ADARB2: variants seen among roughly 807,000 people sequenced by gnomAD.
ADARB2 encodes the protein inactive double-stranded RNA-specific editase B2.
In ADARB2, 25 loss-of-function variants were observed where a neutral mutation model predicts 62.2. The observed-to-expected ratio is 0.40, with a 90% CI of 0.29 to 0.56. The LOEUF (loss-of-function observed/expected upper bound fraction) is 0.56, where lower values mean the gene tolerates loss of function less well. Among genes scored for constraint, ADARB2 ranks in the 20% least tolerant of loss-of-function variants. The pLI, the probability that ADARB2 is intolerant of heterozygous loss-of-function variation, is 0.43. For synonymous variants in ADARB2, 572 were observed against 500.8 expected, an observed-to-expected ratio of 1.14 and a Z score of -1.90; for missense variants, 1,071 against 1,077.4, an observed-to-expected ratio of 0.99 and a Z score of 0.08.
rs1001532818 is a variant in ADARB2 at position 1,661,549 on chromosome 10, G to A, written c.100+75502C>T. 5.3e-5 allele frequency among the ~76,000 whole-genome samples: 8 copies of A among 152,172 alleles called. No homozygotes were observed. In the East Asian group the frequency reaches 5.8e-4, roughly 11 times the overall value. On this transcript the variant is annotated intron_variant, in intron 1 of 9. Transcript: ENST00000381312. ...GCAGCTAGGGTTGGGGGAGGGCCCCGGCAAGCACCTAGAGTGCAGACAAGT... is the reference window on the plus strand; with the variant it reads ...GCAGCTAGGGTTGGGGGAGGGCCCCAGCAAGCACCTAGAGTGCAGACAAGT...
At chr10:1,229,441 C>G (rs1830777325) in intron 6 of ADARB2, among the ~76,000 whole-genome samples, 1 of 152,150 alleles carries the variant, frequency 6.6e-6, no homozygotes, top group Non-Finnish European at 1.5e-5. Context: ...TCCTAGAAAC[C>G]CCAAGTCAGA....
intron 4 of ADARB2, among the ~76,000 whole-genome samples, chr10:1,266,616 C>T (rs898637555): frequency 2.6e-5 from 4 of 152,080 alleles, no homozygotes; most frequent in East Asian, 1.9e-4. Flanking sequence ...AAGGACCAGC[C>T]GGCCACCACC....
chr10:1,498,121 C>T (rs893229344), intron 1 of ADARB2, among the ~76,000 whole-genome samples: 1 of 152,066 alleles, frequency 6.6e-6, no homozygotes, highest in African/African-American at 2.4e-5. Flanking sequence ...GCTTGTAATC[C>T]CGGCACTTTG....
intron 3 of ADARB2, among the ~76,000 whole-genome samples, chr10:1,289,729 A>G (rs973986007): frequency 6.6e-6 from 1 of 152,248 alleles, no homozygotes; most frequent in Non-Finnish European, 1.5e-5. Context: ...CTGCTGGGTG[A>G]CAAGACAGCC....
At chr10:1,552,352 A>G (rs973193045) in intron 1 of ADARB2, among the ~76,000 whole-genome samples, 3 of 152,082 alleles carry the variant, frequency 2.0e-5, no homozygotes, top group African/African-American at 4.8e-5. Context: ...CATTAGGGGC[A>G]TGAAATGCCT....
At chr10:1,401,571 A>G (rs1832662859) in intron 1 of ADARB2, among the ~76,000 whole-genome samples, 1 of 152,178 alleles carries the variant, frequency 6.6e-6, no homozygotes, top group South Asian at 2.1e-4. Flanking sequence ...CATGGATTCA[A>G]TGGGAGCTCG....
chr10:1,268,927 A>G (rs899083510), intron 4 of ADARB2, among the ~76,000 whole-genome samples: 1 of 152,232 alleles, frequency 6.6e-6, no homozygotes, highest in Non-Finnish European at 1.5e-5. Context: ...TTCCACATGA[A>G]GTTTGACAGT....
chr10:1,226,262 A>C (rs1160611607), intron 6 of ADARB2, among the ~76,000 whole-genome samples: 2 of 152,182 alleles, frequency 1.3e-5, no homozygotes, highest in East Asian at 3.8e-4. Context: ...CAGCTCCATC[A>C]GGTCCTTTAA....
chr10:1,462,088 C>T (rs879783913), intron 1 of ADARB2, among the ~76,000 whole-genome samples: 6 of 152,198 alleles, frequency 3.9e-5, no homozygotes, highest in African/African-American at 7.2e-5. Flanking sequence ...AAAATGCTCA[C>T]GGTGTGTGTT....
At chr10:1,669,261 C>T (rs570700609) in intron 1 of ADARB2, among the ~76,000 whole-genome samples, 4 of 152,252 alleles carry the variant, frequency 2.6e-5, no homozygotes, top group South Asian at 2.1e-4. Context: ...GATGATACCA[C>T]GCGTGTCTCC....
chr10:1,226,282 T>C (rs1830744553), intron 6 of ADARB2, among the ~76,000 whole-genome samples: 2 of 152,258 alleles, frequency 1.3e-5, no homozygotes, highest in Non-Finnish European at 2.9e-5. Flanking sequence ...AGGACTTCTC[T>C]GCATTGGTTA....
At chr10:1,405,252 CATTG>C (rs2131874686) in intron 1 of ADARB2, among the ~76,000 whole-genome samples, 2 of 152,312 alleles carry the variant, frequency 1.3e-5, no homozygotes, top group South Asian at 4.1e-4. Flanking sequence ...ATGAAGCATT[CATTG>C]ATTTAGACAT....
intron 4 of ADARB2, among the ~76,000 whole-genome samples, chr10:1,263,658 C>A (rs903092089): frequency 1.3e-5 from 2 of 152,150 alleles, no homozygotes; most frequent in African/African-American, 4.8e-5. Context: ...TATTTATTTT[C>A]TCCTCCATTT....
chr10:1,355,066 C>T (rs1399774912), intron 3 of ADARB2, among the ~76,000 whole-genome samples: 1 of 152,190 alleles, frequency 6.6e-6, no homozygotes, highest in Non-Finnish European at 1.5e-5. Flanking sequence ...TCTCCAACCA[C>T]CAGGACATGA....
rs376572279 is a variant in ADARB2, at chr10:1,526,865, G to A, written c.101-147705C>T. On this transcript the variant is annotated intron_variant, in intron 1 of 9. Transcript: ENST00000381312. ...GTGAGCGGGCACAGGCAGCCACTTC[G>A]CTGCTTGCCTCATCAGCCTCACAGT... The A allele has an allele frequency of 2.9e-5, 15 of 510,788 alleles. No individual in the cohort carries two copies. The East Asian group carries it at 7.0e-4, about 24-fold the overall frequency. 31.6% of individuals were successfully genotyped at this position (510,788 alleles called of 1,614,324 possible). A position where few individuals can be genotyped will look rare whatever the true frequency, so the allele number is the denominator to read the frequency against.
chr10:1,244,809 C>T (rs528133557), intron 4 of ADARB2, among the ~76,000 whole-genome samples: 11 of 152,238 alleles, frequency 7.2e-5, no homozygotes, highest in East Asian at 5.8e-4. Context: ...CAGGAGGAGG[C>T]GTCCTAGGCA....
intron 1 of ADARB2, among the ~76,000 whole-genome samples, chr10:1,635,177 C>T (rs1833904591): frequency 6.6e-6 from 1 of 152,210 alleles, no homozygotes; most frequent in South Asian, 2.1e-4. Context: ...ATGGGTGCCA[C>T]AGTTTAAAAA....
chr10:1,374,582 G>T (rs1309836698), intron 2 of ADARB2, among the ~76,000 whole-genome samples: 1 of 152,184 alleles, frequency 6.6e-6, no homozygotes, highest in Non-Finnish European at 1.5e-5. Flanking sequence ...GAGCATGTGC[G>T]GGTGGGGCCA....
chr10:1,260,443 C>A (rs1564238836), intron 4 of ADARB2, among the ~76,000 whole-genome samples: 2 of 150,934 alleles, frequency 1.3e-5, no homozygotes, highest in East Asian at 3.9e-4. Context: ...TGATAAGCAA[C>A]TTCAGCAAAG....
Sources: allele counts gnomAD v4.1 joint callset (sites outside exome capture counted in the v4.1 genomes callset), GRCh38; gene constraint gnomAD v4.1.1; transcripts MANE v1.5; gene names NCBI Gene and HGNC (gene_info 2026-07-23, HGNC 2026-07-21).